Variants in EHHADH observed in about 807,000 individuals in gnomAD.
The protein encoded by EHHADH is peroxisomal bifunctional enzyme.
A neutral mutation model predicts 64.4 loss-of-function variants in EHHADH; 48 were observed. That is an observed-to-expected ratio of 0.75 (90% confidence interval 0.59 to 0.95). The LOEUF (loss-of-function observed/expected upper bound fraction) is 0.95, where lower values mean the gene tolerates loss of function less well. EHHADH is among the 40% of genes least tolerant of loss of function. EHHADH has a pLI of 0.00. For missense variants in EHHADH, 854 were observed against 876.6 expected, an observed-to-expected ratio of 0.97 and a Z score of 0.33; for synonymous variants, 308 against 326.7, an observed-to-expected ratio of 0.94 and a Z score of 0.62.
At position 185,192,726 on chromosome 3, in the gene EHHADH, ACCT is replaced by A. The variant is rs769956132; in HGVS notation, c.1669_1671del (p.Arg557del). 1.3e-5 allele frequency: 21 copies of A among 1,613,876 alleles called. No individual in the cohort carries two copies. Among genetic ancestry groups the A allele is most frequent in the Non-Finnish European group, 1.4e-5 (17 of 1,180,018 alleles). On this transcript the variant is annotated inframe_deletion, in exon 7 of 7. Transcript: ENST00000231887. ...CAGAGCACATCAGGAATTGGGCAGT[ACCT>A]CCTATTACCCCTTTTTCGGGCAGGA... is the stretch of plus-strand genomic sequence containing the variant.
intron 1 of EHHADH, chr3:185,253,681 T>TCTCAGG (rs1719811554): frequency 1.5e-6 from 1 of 674,094 alleles, no homozygotes; most frequent in African/African-American, 1.9e-5. Context: ...TGTTGATCTG[T>TCTCAGG]CTCAGCCTCA....
chr3:185,237,369 T>C (rs1719324811), intron 2 of EHHADH, among the ~76,000 whole-genome samples: 1 of 152,216 alleles, frequency 6.6e-6, no homozygotes, highest in South Asian at 2.1e-4. Flanking sequence ...TTACTAGCTT[T>C]ACTGGTTTAT....
intron 5 of EHHADH, among the ~76,000 whole-genome samples, chr3:185,206,396 T>C (rs998480137): frequency 4.0e-5 from 6 of 150,486 alleles, no homozygotes; most frequent in Admixed American, 2.6e-4. Context: ...TAGAAGAAAA[T>C]ATAAAAAAAT....
intron 2 of EHHADH, among the ~76,000 whole-genome samples, chr3:185,240,968 C>T (rs545840545): frequency 6.8e-6 from 1 of 146,310 alleles, no homozygotes; most frequent in Non-Finnish European, 1.5e-5. Context: ...TCCCACCCTT[C>T]CCCCCCAAAT....
intron 6 of EHHADH, among the ~76,000 whole-genome samples, chr3:185,199,407 G>C (rs1718164453): frequency 6.6e-6 from 1 of 152,110 alleles, no homozygotes. Flanking sequence ...GGGAAATGTG[G>C]GTTCTTGGAT....
At position 185,192,753 on chromosome 3, in the gene EHHADH, GA is replaced by G; in HGVS notation, c.1644del (p.Pro549LeufsTer20). 6.2e-7 allele frequency: 1 copy of G among 1,613,802 alleles called. No homozygotes were observed. The highest frequency in any genetic ancestry group is 8.5e-7 in the Non-Finnish European group (1 of 1,179,962). On this transcript the variant is annotated frameshift_variant, in exon 7 of 7. Coordinates refer to ENST00000231887, the MANE Select transcript of EHHADH (RefSeq NM_001966.4). LOFTEE classifies it high-confidence loss of function. ...GLTGPTLLPG[T>X]PARKRGNRRY... ...CTCCTATTACCCCTTTTTCGGGCAGGAGTTCCTGGAAGCAATGTAGGTCCAG... is the reference window on the plus strand; with the variant it reads ...CTCCTATTACCCCTTTTTCGGGCAGGGTTCCTGGAAGCAATGTAGGTCCAG...
intron 6 of EHHADH, among the ~76,000 whole-genome samples, chr3:185,196,724 G>A (rs145962735): frequency 1.0e-3 from 159 of 152,162 alleles, no homozygotes; most frequent in Non-Finnish European, 1.6e-3. Flanking sequence ...AGCCAGGGCC[G>A]GACACGGTGG....
At chr3:185,246,150 C>A in intron 2 of EHHADH, 1 of 1,132,968 alleles carries the variant, frequency 8.8e-7, no homozygotes, top group East Asian at 2.3e-5. Flanking sequence ...TCTTAAGATC[C>A]TTTACAACTT....
At chr3:185,228,467 T>C (rs899765116) in intron 4 of EHHADH, among the ~76,000 whole-genome samples, 2 of 150,874 alleles carry the variant, frequency 1.3e-5, no homozygotes, top group African/African-American at 4.9e-5. Flanking sequence ...TCACCTGAGG[T>C]AGGGAGTTTG....
chr3:185,220,287 A>C (rs1031024188), intron 4 of EHHADH, among the ~76,000 whole-genome samples: 19 of 152,224 alleles, frequency 1.2e-4, no homozygotes, highest in African/African-American at 4.6e-4. Flanking sequence ...ATGCCATATA[A>C]TAACATTTCT....
chr3:185,207,677 C>T lies in EHHADH; in HGVS notation c.569-2920G>A, dbSNP rs551030283. 1.6e-3 allele frequency among the ~76,000 whole-genome samples: 245 copies of T among 152,304 alleles called. 1 individual carries two copies. Among genetic ancestry groups the T allele is most frequent in the African/African-American group, 5.6e-3 (234 of 41,564 alleles). ...CCCCTAGAGCCTCCAGAAAAGAGTG[C>T]ACCAGCTGACACCTGGATTTTAGCC... On this transcript the variant is annotated intron_variant, in intron 5 of 6. Coordinates refer to ENST00000231887, the MANE Select transcript of EHHADH (RefSeq NM_001966.4).
rs1236237902 is a variant in EHHADH at position 185,206,916 on chromosome 3, C to CG, written c.569-2160_569-2159insC. Among the ~76,000 whole-genome samples the CG allele has an allele frequency of 5.3e-5, 8 of 151,498 alleles. 1 individual carries two copies. Among genetic ancestry groups the CG allele is most frequent in the Non-Finnish European group, 1.2e-4 (8 of 67,904 alleles). On this transcript the variant is annotated intron_variant, in intron 5 of 6. Transcript: ENST00000231887. ...GTAGTCAGAATAACACCCCCCCCAC[C>CG]AAATGTTCATGTCTTAATTCCTAGA... is the stretch of plus-strand genomic sequence containing the variant.
In EHHADH at chr3:185,248,624, T is replaced by C. The variant is rs576179419; in HGVS notation, c.75-107A>G. The C allele has an allele frequency of 1.1e-4, 77 of 715,252 alleles. No homozygotes were observed. In the African/African-American group the frequency reaches 1.3e-3, roughly 12 times the overall value. 44.3% of individuals were successfully genotyped at this position (715,252 alleles called of 1,614,324 possible). ...AAAAATTAAACACACACATAATGGA[T>C]AAAAACTGTAGATACTTCTCAATAA... On this transcript the variant is annotated intron_variant, in intron 1 of 6. Coordinates refer to ENST00000231887, the MANE Select transcript of EHHADH (RefSeq NM_001966.4).
At position 185,192,297 on chromosome 3, in the gene EHHADH, GT is replaced by G. The variant is rs747455018; in HGVS notation, c.2100del (p.Lys700AsnfsTer10). 4.3e-6 allele frequency: 7 copies of G among 1,614,058 alleles called. No individual in the cohort carries two copies. The Admixed American group carries it at 5.0e-5, about 12-fold the overall frequency. On this transcript the variant is annotated frameshift_variant, in exon 7 of 7. Coordinates refer to ENST00000231887, the MANE Select transcript of EHHADH (RefSeq NM_001966.4). LOFTEE classifies it high-confidence loss of function. ...PQLEPSDYLK[K>X]LASQGNPPLK... is the part of the protein sequence containing the mutation. Reference sequence around the variant, plus strand: ...AGGGGAGGGTTTCCCTGAGAAGCCAGTTTTTTTAGATAGTCACTTGGCTCCA... The same window carrying G: ...AGGGGAGGGTTTCCCTGAGAAGCCAGTTTTTTAGATAGTCACTTGGCTCCA...
chr3:185,193,592 G>A (rs1717976156), intron 6 of EHHADH, 105 bp from the exon 7 acceptor site: 6 of 1,323,270 alleles, frequency 4.5e-6, no homozygotes, highest in Admixed American at 2.5e-5. Flanking sequence ...CATTTAAAGA[G>A]ATTGAGTCAA....
chr3:185,212,702 T>C (rs1718574662), intron 5 of EHHADH, among the ~76,000 whole-genome samples: 1 of 152,204 alleles, frequency 6.6e-6, no homozygotes, highest in Non-Finnish European at 1.5e-5. Flanking sequence ...AGACTTTGCA[T>C]ACCACAAAAG....
At chr3:185,217,238 G>A (rs1306851568) in intron 5 of EHHADH, among the ~76,000 whole-genome samples, 1 of 152,072 alleles carries the variant, frequency 6.6e-6, no homozygotes, top group African/African-American at 2.4e-5. Context: ...TAGTTGATGA[G>A]AGATCAGCTT....
At chr3:185,203,522 G>A (rs1434956207) in intron 6 of EHHADH, among the ~76,000 whole-genome samples, 1 of 152,156 alleles carries the variant, frequency 6.6e-6, no homozygotes, top group African/African-American at 2.4e-5. Flanking sequence ...CCGTTCTTGA[G>A]CCGAGACTAA....
chr3:185,222,358 G>C lies in EHHADH; in HGVS notation c.464-4118C>G, dbSNP rs1420435078. Among the ~76,000 whole-genome samples, 4 of 152,194 alleles carry C rather than the reference G, an allele frequency of 2.6e-5. No individual in the cohort carries two copies. In the South Asian group the frequency reaches 8.3e-4, roughly 32 times the overall value. On this transcript the variant is annotated intron_variant, in intron 4 of 6. Coordinates refer to ENST00000231887, the MANE Select transcript of EHHADH (RefSeq NM_001966.4). ...AGATCGTGCCACTGCACTCCAGCCT[G>C]GGTGACAGTGGGAGATACCATCTCA...
Sources: gnomAD v4.1 joint callset for allele counts (sites outside exome capture counted in the v4.1 genomes callset) on GRCh38, gnomAD v4.1.1 for gene constraint, MANE v1.5 for transcripts, NCBI Gene and HGNC (gene_info 2026-07-23, HGNC 2026-07-21) for gene names.